AGAP3: variants seen among roughly 807,000 people sequenced by gnomAD.
AGAP3 encodes ArfGAP with GTPase domain, ankyrin repeat and PH domain 3, also known as arf-GAP with GTPase, ANK repeat and PH domain-containing protein 3.
A neutral mutation model predicts 96.9 loss-of-function variants in AGAP3; 24 were observed. The ratio of observed to expected loss-of-function variants is 0.25; its 90% CI spans 0.18 to 0.35. The LOEUF (loss-of-function observed/expected upper bound fraction) is 0.35. Among genes scored for constraint, AGAP3 ranks in the 10% least tolerant of loss-of-function variants. The probability of loss-of-function intolerance (pLI) is 1.00; values close to 1 mark genes in which losing one functional copy is unlikely to be tolerated. For synonymous variants in AGAP3, 563 were observed against 536.1 expected (o/e 1.05, Z -0.69); for missense variants, 876 against 1,254.2 (o/e 0.70, Z 4.55).
chr7:151,096,335 G>A lies in AGAP3; in HGVS notation c.331+9263G>A, dbSNP rs117227230. On this transcript the variant is annotated intron_variant, in intron 1 of 17. Coordinates refer to ENST00000397238, the MANE Select transcript of AGAP3 (RefSeq NM_031946.7). The surrounding 1 kb of genome is among the most constrained non-coding windows in gnomAD (Gnocchi z 4.4). ...TCCAGGCCCAGGGGAAGGGACCTGAGGGGGCAGGGCTGTCACAGGGCCTGC... is the reference window on the plus strand; with the variant it reads ...TCCAGGCCCAGGGGAAGGGACCTGAAGGGGCAGGGCTGTCACAGGGCCTGC... 3.9e-3 allele frequency among the ~76,000 whole-genome samples: 601 copies of A among 152,264 alleles called. 5 individuals carry two copies. The highest frequency in any genetic ancestry group is 5.1e-3 in the Non-Finnish European group (349 of 68,012).
intron 12 of AGAP3, among the ~76,000 whole-genome samples, chr7:151,138,891 A>G (rs1169267534): frequency 1.3e-5 from 2 of 151,934 alleles, no homozygotes. Context: ...GCCTCCACCC[A>G]TCCTAGGTGG....
Position 151,143,621 on chromosome 7 carries a change from C to T in AGAP3, c.2529+25C>T. 2 of 1,596,424 alleles carry T rather than the reference C, an allele frequency of 1.3e-6. No individual in the cohort carries two copies. The highest frequency in any genetic ancestry group is 1.1e-5 in the South Asian group (1 of 88,038). ...GGTGAGTCACGTGCCTCTAGCCTGC[C>T]CTGACCTCGCTCTTCTTAGCCTTGT... On this transcript the variant is annotated intron_variant, in intron 17 of 17. Transcript: ENST00000397238. This position sits in a 1 kb window ranked among gnomAD's most constrained non-coding sequence, Gnocchi z 5.9.
chr7:151,130,027 G>C (rs542197759), intron 10 of AGAP3, among the ~76,000 whole-genome samples: 2 of 152,208 alleles, frequency 1.3e-5, no homozygotes, highest in Non-Finnish European at 2.9e-5. Flanking sequence ...GGTGTTTCAC[G>C]GCCGACACCA....
At position 151,123,426 on chromosome 7, in the gene AGAP3, G is replaced by C; in HGVS notation, c.1129-368G>C. ...CGGGCCATCTGCCCGCTCACTTGTG[G>C]ACTTTGCGCTCCCGGTTGTCGCGCC... is the stretch of plus-strand genomic sequence containing the variant. On this transcript the variant is annotated intron_variant, in intron 8 of 17. Transcript: ENST00000397238. The C allele has an allele frequency of 7.1e-6, 8 of 1,121,136 alleles. No homozygotes were observed. In the South Asian group the frequency reaches 2.0e-4, roughly 28 times the overall value. 69.4% of individuals were successfully genotyped at this position (1,121,136 alleles called of 1,614,324 possible). A position where few individuals can be genotyped will look rare whatever the true frequency, so the allele number is the denominator to read the frequency against.
intron 1 of AGAP3, among the ~76,000 whole-genome samples, chr7:151,089,561 G>A (rs923615973): frequency 3.3e-5 from 5 of 152,318 alleles, no homozygotes; most frequent in Middle Eastern, 3.4e-3. Context: ...GGGACCTGCG[G>A]TCAGGATCCA....
chr7:151,109,059 G>A (rs1270244359), intron 1 of AGAP3, among the ~76,000 whole-genome samples: 3 of 152,026 alleles, frequency 2.0e-5, no homozygotes, highest in Admixed American at 6.6e-5. Flanking sequence ...TGGCTGCGGT[G>A]GCCCATGCCT....
At chr7:151,086,438 G>C (rs1261380905), upstream of AGAP3, among the ~76,000 whole-genome samples, 1 of 146,328 alleles carries the variant, frequency 6.8e-6, no homozygotes, top group Non-Finnish European at 1.5e-5. Flanking sequence ...CGCATGACGC[G>C]GGGGGAGGGC....
At position 151,142,404 on chromosome 7, in the gene AGAP3, T is replaced by A; in HGVS notation, c.2051-8T>A. 1 of 1,612,260 alleles carries A rather than the reference T, an allele frequency of 6.2e-7. No individual in the cohort carries two copies. Among genetic ancestry groups the A allele is most frequent in the East Asian group, 2.2e-5 (1 of 44,812 alleles). On this transcript the variant is annotated splice_region_variant and splice_polypyrimidine_tract_variant and intron_variant, in intron 15 of 17. Coordinates refer to ENST00000397238, the MANE Select transcript of AGAP3 (RefSeq NM_031946.7). This position sits in a 1 kb window ranked among gnomAD's most constrained non-coding sequence, Gnocchi z 7.5. ...CTGTCGCTGTATCATTCTCCTCTCC[T>A]TGCCTAGATCCAGACTGGGCCAGCC...
intron 9 of AGAP3, among the ~76,000 whole-genome samples, chr7:151,127,246 C>T (rs887416076): frequency 2.6e-5 from 4 of 152,182 alleles, no homozygotes; most frequent in East Asian, 1.9e-4. Context: ...TAGGGACTGC[C>T]GTTTCCTTGT....
At chr7:151,137,675 T>A (rs1441516149) in intron 11 of AGAP3, 1 of 157,398 alleles carries the variant, frequency 6.4e-6, no homozygotes, top group African/African-American at 2.4e-5. Flanking sequence ...ACAGGATAAT[T>A]ACTAATACTA....
At chr7:151,124,364 TAGTC>T in intron 9 of AGAP3, among the ~76,000 whole-genome samples, 1 of 152,224 alleles carries the variant, frequency 6.6e-6, no homozygotes, top group African/African-American at 2.4e-5. Flanking sequence ...ACCTCCTTTC[TAGTC>T]AGTCCTGGGG....
intron 9 of AGAP3, among the ~76,000 whole-genome samples, chr7:151,126,411 G>GAAGGCTGGGA (rs1325706453): frequency 0.017 from 2,196 of 126,538 alleles, 47 homozygotes; most frequent in African/African-American, 0.034. Context: ...GTCTCCTGCT[G>GAAGGCTGGGA]AAGGCTGGGA....
At chr7:151,119,843 C>A (rs1448593837) in intron 7 of AGAP3, 144 bp from the exon 8 acceptor site, 2 of 689,214 alleles carry the variant, frequency 2.9e-6, no homozygotes, top group East Asian at 2.9e-5. Context: ...ATGTTCCCCC[C>A]ATATCATCTG....
In AGAP3 at chr7:151,143,462, C is replaced by G. The variant is rs200882121; in HGVS notation, c.2395C>G (p.Arg799Gly). 7.4e-5 allele frequency: 119 copies of G among 1,614,058 alleles called. No homozygotes were observed. The highest frequency in any genetic ancestry group is 8.8e-5 in the Non-Finnish European group (104 of 1,180,036). Residue 799 changes from arginine (R) to glycine (G), a missense_variant, in exon 17 of 18, where the codon CGG (arginine) becomes GGG (glycine). By Grantham distance (125) the Arg-to-Gly change is moderately radical. Around this residue, in one of 8 missense-constraint regions of AGAP3, gnomAD observed 213 missense variants for 253.8 expected, o/e 0.84. Coordinates refer to ENST00000397238, the MANE Select transcript of AGAP3 (RefSeq NM_031946.7). This position sits in a 1 kb window ranked among gnomAD's most constrained non-coding sequence, Gnocchi z 5.9. ...CCGGGCCGTGGTGGAAGATGACCTG[C>G]GGCTGTTGGTGATGCTCCTGGCACA... ...LLRAVVEDDLRLLVMLLAHGS... is the reference protein window; with the variant it reads ...LLRAVVEDDLGLLVMLLAHGS...
chr7:151,120,651 A>C, intron 8 of AGAP3: 1 of 1,282,586 alleles, frequency 7.8e-7, no homozygotes, highest in South Asian at 1.2e-5. Flanking sequence ...CCGAGGGGAA[A>C]ATTCATGCTT....
At position 151,118,680 on chromosome 7, in the gene AGAP3, C is replaced by T; in HGVS notation, c.969+48C>T. 6.3e-7 allele frequency: 1 copy of T among 1,594,818 alleles called. No individual in the cohort carries two copies. The highest frequency in any genetic ancestry group is 8.5e-7 in the Non-Finnish European group (1 of 1,171,464). On this transcript the variant is annotated intron_variant, in intron 7 of 17. Transcript: ENST00000397238. This position sits in a 1 kb window ranked among gnomAD's most constrained non-coding sequence, Gnocchi z 6.1. ...CCCTTCCTGTCCCCACCATGTCTGT[C>T]TTGCCTCTGTGCGTCCTGCCACTTC...
chr7:151,119,022 G>A (rs1033080422), intron 7 of AGAP3, among the ~76,000 whole-genome samples: 20 of 152,354 alleles, frequency 1.3e-4, no homozygotes, highest in African/African-American at 4.8e-4. Context: ...GCTGCAGCTG[G>A]TATTCCAGTG....
At chr7:151,116,952 C>G in intron 2 of AGAP3, 101 bp downstream of exon 2, 1 of 1,543,316 alleles carries the variant, frequency 6.5e-7, no homozygotes. Flanking sequence ...GTCCCCTTCT[C>G]TGCTCAGCTT....
intron 1 of AGAP3, among the ~76,000 whole-genome samples, chr7:151,101,932 G>C (rs1798848646): frequency 6.6e-6 from 1 of 152,198 alleles, no homozygotes; most frequent in Non-Finnish European, 1.5e-5. Context: ...AGGGCTGGCA[G>C]AGGTGAGTTC....
Sources: allele counts gnomAD v4.1 joint callset (sites outside exome capture counted in the v4.1 genomes callset), GRCh38; gene constraint gnomAD v4.1.1; regional missense constraint gnomAD v4.1.1; non-coding constraint Gnocchi (gnomAD v3.1); transcripts MANE v1.5; gene names NCBI Gene and HGNC (gene_info 2026-07-23, HGNC 2026-07-21).